The following CCNA2 variants were observed in gnomAD, a reference collection of about 807,000 sequenced individuals.
The protein encoded by CCNA2 is cyclin-A2.
Under a neutral mutation model 49.4 loss-of-function variants are expected in CCNA2, and 3 were observed. The observed-to-expected ratio is 0.06, with a 90% CI of 0.03 to 0.16. The LOEUF (loss-of-function observed/expected upper bound fraction) is 0.16. Ranked by LOEUF, CCNA2 falls within the 10% of genes least tolerant of loss-of-function variation. CCNA2 has a pLI of 1.00. For synonymous variants in CCNA2, 206 were observed against 197.2 expected (o/e 1.04, Z -0.37); for missense variants, 372 against 519.7 (o/e 0.72, Z 2.76).
chr4:121,820,969 GA>G lies in CCNA2; in HGVS notation c.570+9del, dbSNP rs1236209420. 6.3e-7 allele frequency: 1 copy of G among 1,599,186 alleles called. No individual in the cohort carries two copies. Among genetic ancestry groups the G allele is most frequent in the East Asian group, 2.2e-5 (1 of 44,734 alleles). On this transcript the variant is annotated intron_variant, in intron 3 of 7. Coordinates refer to ENST00000274026, the MANE Select transcript of CCNA2 (RefSeq NM_001237.5). This position sits in a 1 kb window ranked among gnomAD's most constrained non-coding sequence, Gnocchi z 4.1. ...ATACATTATACAAACTGGATTCAGA[GA>G]ACCTTTACCTCCATTTCCCTAAGGT...
Position 121,820,621 on chromosome 4 carries a change from T to C in CCNA2, c.715A>G (p.Ile239Val), listed in dbSNP as rs768810687. Residue 239 changes from isoleucine to valine, a missense_variant, in exon 4 of 8, where the codon ATT (isoleucine) becomes GTT (valine). Transcript: ENST00000274026. This position sits in a 1 kb window ranked among gnomAD's most constrained non-coding sequence, Gnocchi z 4.1. The part of the protein sequence containing the change: ...NETLHLAVNY[I>V]DRFLSSMSVL... ...GACATGGAAGACAGGAACCTATCAA[T>C]GTAGTTCACAGCCAAATGCAGGGTC... 1.2e-6 allele frequency: 2 copies of C among 1,614,072 alleles called. No homozygotes were observed. The highest frequency in any genetic ancestry group is 1.1e-5 in the South Asian group (1 of 91,092).
chr4:121,818,971 C>G (rs1724620391), intron 5 of CCNA2, 58 bp from the exon 6 acceptor site: 1 of 1,144,502 alleles, frequency 8.7e-7, no homozygotes, highest in Non-Finnish European at 1.3e-6. Context: ...TGTCAAACCT[C>G]TGCCTTCTAA....
Position 121,818,109 on chromosome 4 carries a change from G to A in CCNA2, c.1185C>T (p.His395=), listed in dbSNP as rs1174529318. ...ESLKPCLMDL[H]QTYLKAPQHA... ...GCTGTGGTGCTTTGAGGTAGGTCTG[G>A]TGAAGGTCCATGAGACAAGGCTTAA... The change falls in exon 7 of 8, where the codon CAC becomes CAT. Residue 395 remains histidine (H), a synonymous_variant. Coordinates refer to ENST00000274026, the MANE Select transcript of CCNA2 (RefSeq NM_001237.5). 6 of 1,613,606 alleles carry A rather than the reference G, an allele frequency of 3.7e-6. No homozygotes were observed. The highest frequency in any genetic ancestry group is 4.2e-6 in the Non-Finnish European group (5 of 1,179,554).
chr4:121,818,934 T>C (rs1724619399), intron 5 of CCNA2, 21 bp from the exon 6 acceptor site: 2 of 1,450,518 alleles, frequency 1.4e-6, no homozygotes, highest in Admixed American at 3.3e-5. Flanking sequence ...AAATACTTTA[T>C]GATCACAAGA....
chr4:121,816,791 A>AAAC lies in CCNA2; in HGVS notation c.*844_*846dup. The AAAC allele has an allele frequency of 6.2e-7, 1 of 1,600,482 alleles. No homozygotes were observed. The highest frequency in any genetic ancestry group is 1.1e-5 in the South Asian group (1 of 88,724). On this transcript the variant is annotated 3_prime_UTR_variant, in exon 8 of 8. Transcript: ENST00000274026. Reference sequence around the variant, plus strand: ...TCACAGAACACAGACCACCAGTGCAAAACAAGAAAAAGCACCAAGTAAAAA... The same window carrying AAAC: ...TCACAGAACACAGACCACCAGTGCAAAACAACAAGAAAAAGCACCAAGTAAAAA...
Position 121,818,527 on chromosome 4 carries a change from T to C in CCNA2, c.1116+273A>G, listed in dbSNP as rs150092301. ...CCCTTCCCAAATATACCCAAATCTGTACATATTCAAGTCCTGCAGTCACCC... is the reference window on the plus strand; with the variant it reads ...CCCTTCCCAAATATACCCAAATCTGCACATATTCAAGTCCTGCAGTCACCC... On this transcript the variant is annotated intron_variant, in intron 6 of 7. Coordinates refer to ENST00000274026, the MANE Select transcript of CCNA2 (RefSeq NM_001237.5). Among the ~76,000 whole-genome samples the C allele has an allele frequency of 8.1e-4, 124 of 152,276 alleles. 5 individuals carry two copies. Among genetic ancestry groups the C allele is most frequent in the African/African-American group, 2.9e-3 (120 of 41,552 alleles).
In CCNA2 at chr4:121,823,604, G is replaced by A. The variant is rs1223647547; in HGVS notation, c.25C>T (p.Pro9Ser). The A allele has an allele frequency of 6.3e-7, 1 of 1,598,470 alleles. No individual in the cohort carries two copies. The highest frequency in any genetic ancestry group is 1.3e-5 in the African/African-American group (1 of 74,928). The change falls in exon 1 of 8, where the codon CCT becomes TCT. Residue 9 changes from proline (P) to serine (S), a missense_variant. This residue lies in a region of CCNA2 where 217 missense variants were observed against 231.7 expected (regional missense o/e 0.94). Coordinates refer to ENST00000274026, the MANE Select transcript of CCNA2 (RefSeq NM_001237.5). ...GCCGAGCCCGCCTCGCGGGTCGCAG[G>A]CCCCGGCGCAGAGTTGCCCAACATC... Reference protein sequence around the residue: MLGNSAPGPATREAGSALL... With the variant: MLGNSAPGSATREAGSALL...
chr4:121,822,041 G>A (rs184536514), intron 2 of CCNA2, among the ~76,000 whole-genome samples: 220 of 152,260 alleles, frequency 1.4e-3, no homozygotes, highest in African/African-American at 4.8e-3. Context: ...ATTTAAGACT[G>A]CATCTTCAAA....
At position 121,823,425 on chromosome 4, in the gene CCNA2, C is replaced by G; in HGVS notation, c.204G>C (p.Lys68Asn). The change falls in exon 1 of 8, where the codon AAG becomes AAC. Residue 68 changes from lysine (K) to asparagine (N), a missense_variant. By Grantham distance (94) the Lys-to-Asn change is moderately conservative (BLOSUM62 0). Around this residue, in one of 2 missense-constraint regions of CCNA2, gnomAD observed 217 missense variants for 231.7 expected, o/e 0.94. Transcript: ENST00000274026. The part of the protein sequence containing the change: ...PRGLAQQQRP[K>N]TRRVAPLKDL... ...TCCCGCATCCCTTTACCCGTCTCGT[C>G]TTCGGCCTCTGCTGCTGCGCTAGAC... is the stretch of plus-strand genomic sequence containing the variant. 1 of 1,611,826 alleles carries G rather than the reference C, an allele frequency of 6.2e-7. No individual in the cohort carries two copies.
rs1724549778 is a variant in CCNA2 at position 121,817,081 on chromosome 4, G to A, written c.*557C>T. 2.2e-6 allele frequency: 1 copy of A among 461,992 alleles called. No individual in the cohort carries two copies. The highest frequency in any genetic ancestry group is 2.0e-5 in the African/African-American group (1 of 49,388). 28.6% of individuals were successfully genotyped at this position (461,992 alleles called of 1,614,324 possible). A position where few individuals can be genotyped will look rare whatever the true frequency, so the allele number is the denominator to read the frequency against. On this transcript the variant is annotated 3_prime_UTR_variant, in exon 8 of 8. Coordinates refer to ENST00000274026, the MANE Select transcript of CCNA2 (RefSeq NM_001237.5). ...CCCTCTTCCACTCCCAACCTCTGTT[G>A]AGTTTACCTCGCAAAACCTAAACAA...
intron 2 of CCNA2, among the ~76,000 whole-genome samples, chr4:121,822,096 A>G (rs538192147): frequency 6.6e-6 from 1 of 152,338 alleles, no homozygotes; most frequent in African/African-American, 2.4e-5. Flanking sequence ...ACTGAAATCT[A>G]TTCTCCCAAC....
At chr4:121,818,659 T>TGA (rs2149042010) in intron 6 of CCNA2, 141 bp downstream of exon 6, 1 of 617,504 alleles carries the variant, frequency 1.6e-6, no homozygotes, top group Admixed American at 2.8e-5. Context: ...AACCTGTGTT[T>TGA]TTCAAAGGTC....
chr4:121,817,596 T>G lies in CCNA2; in HGVS notation c.*42A>C, dbSNP rs747533838. 6.2e-7 allele frequency: 1 copy of G among 1,612,508 alleles called. No homozygotes were observed. The highest frequency in any genetic ancestry group is 8.5e-7 in the Non-Finnish European group (1 of 1,178,914). ...GTTAAAAACTGTACACCATATACTT[T>G]GAGTGATTTACATCTTAGAAAACAA... On this transcript the variant is annotated 3_prime_UTR_variant, in exon 8 of 8. Transcript: ENST00000274026.
chr4:121,819,296 C>T, intron 5 of CCNA2, 76 bp downstream of exon 5: 1 of 1,071,762 alleles, frequency 9.3e-7, no homozygotes, highest in Non-Finnish European at 1.4e-6. Flanking sequence ...GAACTAGGTT[C>T]CTTTACAAAG....
chr4:121,819,533 T>C lies in CCNA2; in HGVS notation c.841A>G (p.Ile281Val), dbSNP rs1724636323. Residue 281 changes from isoleucine to valine, a missense_variant, in exon 5 of 8, where the codon ATT becomes GTT. Transcript: ENST00000274026. ...TTCTTGGTGTAGGTATCATCTGTAA[T>C]GTACACAAACTCTGCTACTTCTGGG... ...YPPEVAEFVY[I>V]TDDTYTKKQV... 6.2e-7 allele frequency: 1 copy of C among 1,614,040 alleles called. No individual in the cohort carries two copies. The highest frequency in any genetic ancestry group is 8.5e-7 in the Non-Finnish European group (1 of 1,179,916).
chr4:121,818,227 C>G, intron 6 of CCNA2, 50 bp from the exon 7 acceptor site: 1 of 1,522,478 alleles, frequency 6.6e-7, no homozygotes, highest in Non-Finnish European at 9.0e-7. Context: ...TAGTAACACA[C>G]CAAACACAGT....
At position 121,818,193 on chromosome 4, in the gene CCNA2, T is replaced by G. The variant is rs1204366650; in HGVS notation, c.1117-16A>C. ...ATGATTCAGGCTACAGAGAAGGGAA[T>G]AGAGAACCCCTGAGTTTTGCTTTTA... On this transcript the variant is annotated splice_polypyrimidine_tract_variant and intron_variant, in intron 6 of 7. Transcript: ENST00000274026. 6.2e-7 allele frequency: 1 copy of G among 1,605,258 alleles called. No individual in the cohort carries two copies. The highest frequency in any genetic ancestry group is 8.5e-7 in the Non-Finnish European group (1 of 1,177,220).
In CCNA2 at chr4:121,823,555, G is replaced by A; in HGVS notation, c.74C>T (p.Ala25Val). 6.2e-7 allele frequency: 1 copy of A among 1,611,250 alleles called. No homozygotes were observed. Among genetic ancestry groups the A allele is most frequent in the Non-Finnish European group, 8.5e-7 (1 of 1,179,292 alleles). Residue 25 changes from alanine (A) to valine (V), a missense_variant, in exon 1 of 8, where the codon GCG becomes GTG. By Grantham distance (64) the Ala-to-Val change is moderately conservative. Around this residue, in one of 2 missense-constraint regions of CCNA2, gnomAD observed 217 missense variants for 231.7 expected, o/e 0.94. Transcript: ENST00000274026. ...GATATTCTCCTGGTCCTCTTGGAGCGCCGTCTGCTGCAATGCTAGCAGCGC... is the reference window on the plus strand; with the variant it reads ...GATATTCTCCTGGTCCTCTTGGAGCACCGTCTGCTGCAATGCTAGCAGCGC... ...GSALLALQQT[A>V]LQEDQENINP... is the part of the protein sequence containing the mutation.
intron 1 of CCNA2, 102 bp from the exon 2 acceptor site, chr4:121,822,748 T>G: frequency 8.3e-7 from 1 of 1,211,838 alleles, no homozygotes; most frequent in Non-Finnish European, 1.2e-6. Context: ...TATCAGGAAT[T>G]AAACTTTCTG....
Sources: gnomAD v4.1 joint callset for allele counts (sites outside exome capture counted in the v4.1 genomes callset) on GRCh38, gnomAD v4.1.1 for gene constraint, gnomAD v4.1.1 regional missense constraint, Gnocchi (gnomAD v3.1) non-coding constraint, MANE v1.5 for transcripts, NCBI Gene and HGNC (gene_info 2026-07-23, HGNC 2026-07-21) for gene names.